The following ITGB2 variants were observed in gnomAD, a reference collection of about 807,000 sequenced individuals.
The protein encoded by ITGB2 is integrin beta-2.
A neutral mutation model predicts 86.8 loss-of-function variants in ITGB2; 56 were observed. The ratio of observed to expected loss-of-function variants is 0.65; its 90% CI spans 0.52 to 0.81. The LOEUF is 0.81. ITGB2 is among the 30% of genes least tolerant of loss of function. The pLI, the probability that ITGB2 is intolerant of heterozygous loss-of-function variation, is 0.00. For synonymous variants in ITGB2, 457 were observed against 450.4 expected (o/e 1.01, Z -0.19); for missense variants, 948 against 1,061.2 (o/e 0.89, Z 1.48).
Position 44,886,794 on chromosome 21 carries a change from C to T in ITGB2, c.2189G>A (p.Ser730Asn), listed in dbSNP as rs140767058. Residue 730 changes from serine (S) to asparagine (N), a missense_variant, in exon 15 of 16, where the codon AGC becomes AAC. Ser to Asn is a conservative substitution (Grantham distance 46). Transcript: ENST00000652462. ...LVIWKALIHL[S>N]DLREYRRFEK... ...AAAGCGCCTGTACTCCCGGAGGTCG[C>T]TCAGGTGGATCAGAGCCTTCCAGAT... The T allele has an allele frequency of 2.0e-4, 322 of 1,614,028 alleles. 1 individual carries two copies. In the African/African-American group the frequency reaches 3.0e-3, roughly 15 times the overall value.
In ITGB2 at chr21:44,885,988, T is replaced by G. The variant is rs1424612245; in HGVS notation, c.*380A>C. 3 of 304,896 alleles carry G rather than the reference T, an allele frequency of 9.8e-6. No individual in the cohort carries two copies. The highest frequency in any genetic ancestry group is 9.3e-5 in the Admixed American group (2 of 21,616). 18.9% of individuals were successfully genotyped at this position (304,896 alleles called of 1,614,324 possible). ...CAGCCTGTATTGAAGTTTTATTTTT[T>G]TTCTATACACGTGATTGATTAACAA... On this transcript the variant is annotated 3_prime_UTR_variant, in exon 16 of 16. Transcript: ENST00000652462.
Position 44,901,575 on chromosome 21 carries a change from C to A in ITGB2, c.658G>T (p.Glu220Ter). 1 of 1,614,282 alleles carries A rather than the reference C, an allele frequency of 6.2e-7. No individual in the cohort carries two copies. Among genetic ancestry groups the A allele is most frequent in the Non-Finnish European group, 8.5e-7 (1 of 1,180,050 alleles). Residue 220 changes from glutamate to a stop codon, truncating the protein, a stop_gained, in exon 6 of 16, where the codon GAG (glutamate) becomes TAG (stop). Coordinates refer to ENST00000652462, the MANE Select transcript of ITGB2 (RefSeq NM_000211.5). LOFTEE classifies it high-confidence loss of function. ...CCGGAAATCAGCTGCTTCCCGACCT[C>A]GGTCTGAAACTGGTTGGAGTTGTTG... ...LTNNSNQFQT[E>*]VGKQLISGNL...
intron 5 of ITGB2, 108 bp from the exon 6 acceptor site, chr21:44,901,841 GGTGGA>G: frequency 7.9e-7 from 1 of 1,266,964 alleles, no homozygotes; most frequent in Non-Finnish European, 1.1e-6. Context: ...CTAGCAGGGA[GGTGGA>G]GAAAGCAAGA....
chr21:44,889,176 G>T, intron 13 of ITGB2, 100 bp downstream of exon 13: 2 of 1,180,008 alleles, frequency 1.7e-6, no homozygotes, highest in Non-Finnish European at 2.5e-6. Context: ...ACCCCGCGGT[G>T]CAGAGGTGCT....
chr21:44,893,544 TCTGC>T lies in ITGB2; in HGVS notation c.1084-4_1084-1del. ...TCCAGGAAGACCCTGGAGGAGAGTTTCTGCGGGCAGAGAGCGGTTACTCTTGGGG... is the reference window on the plus strand; with the variant it reads ...TCCAGGAAGACCCTGGAGGAGAGTTTGGGCAGAGAGCGGTTACTCTTGGGG... On this transcript the variant is annotated splice_acceptor_variant and splice_polypyrimidine_tract_variant and intron_variant, in intron 9 of 15. Transcript: ENST00000652462. LOFTEE classifies it high-confidence loss of function. The T allele has an allele frequency of 6.2e-7, 1 of 1,613,780 alleles. No individual in the cohort carries two copies.
rs996701933 is a variant in ITGB2, at chr21:44,905,074, C to T, written c.329-1539G>A. Among the ~76,000 whole-genome samples, 5 of 152,336 alleles carry T rather than the reference C, an allele frequency of 3.3e-5. No homozygotes were observed. In the South Asian group the frequency reaches 6.2e-4, roughly 19 times the overall value. On this transcript the variant is annotated intron_variant, in intron 4 of 15. Coordinates refer to ENST00000652462, the MANE Select transcript of ITGB2 (RefSeq NM_000211.5). ...GGAGGCAGCCAAGACCATGTCCCCACGAGCAATGTGGCCATGCTGCAGTCA... is the reference window on the plus strand; with the variant it reads ...GGAGGCAGCCAAGACCATGTCCCCATGAGCAATGTGGCCATGCTGCAGTCA...
chr21:44,923,668 C>T (rs568781655), upstream of ITGB2, among the ~76,000 whole-genome samples: 12 of 152,202 alleles, frequency 7.9e-5, no homozygotes, highest in African/African-American at 1.4e-4. Context: ...ATAAAGTTCC[C>T]GTTTTGCAAG....
chr21:44,899,194 C>A, intron 7 of ITGB2, 32 bp from the exon 8 acceptor site: 1 of 1,540,288 alleles, frequency 6.5e-7, no homozygotes, highest in African/African-American at 1.4e-5. Flanking sequence ...CAGTTGGCCC[C>A]GAGTCCAGGA....
chr21:44,909,160 C>T (rs1176794153), intron 3 of ITGB2, among the ~76,000 whole-genome samples: 2 of 152,228 alleles, frequency 1.3e-5, no homozygotes, highest in Non-Finnish European at 2.9e-5. Context: ...AGAACCTCAC[C>T]AGCCCACAGT....
At chr21:44,927,668 G>A (rs1190499859) in intron 1 of ITGB2, 1 of 152,464 alleles carries the variant, frequency 6.6e-6, no homozygotes, top group African/African-American at 2.4e-5. Flanking sequence ...TTGAAGGCGG[G>A]TGAGACCTTT....
At chr21:44,915,510 C>A (rs73376524) in intron 1 of ITGB2, among the ~76,000 whole-genome samples, 3 of 152,136 alleles carry the variant, frequency 2.0e-5, no homozygotes, top group Admixed American at 6.5e-5. Context: ...AAGTGATGGA[C>A]GATGCCGCCA....
At chr21:44,891,638 T>C (rs1337538566) in intron 11 of ITGB2, among the ~76,000 whole-genome samples, 171 bp downstream of exon 11, 1 of 152,126 alleles carries the variant, frequency 6.6e-6, no homozygotes, top group East Asian at 1.9e-4. Context: ...GCCGAGGGGT[T>C]CTGGGTTCCA....
chr21:44,900,562 T>C lies in ITGB2; in HGVS notation c.742-87A>G. 1.9e-6 allele frequency: 3 copies of C among 1,546,836 alleles called. 1 individual carries two copies. The South Asian group carries it at 3.4e-5, about 17-fold the overall frequency. ...AGCAGAGGAGACGATGCAGAGCTGG[T>C]GGGGTGGCCCGGAGGCTGGTGTGGG... On this transcript the variant is annotated intron_variant, in intron 6 of 15. Coordinates refer to ENST00000652462, the MANE Select transcript of ITGB2 (RefSeq NM_000211.5).
Position 44,910,353 on chromosome 21 carries a change from C to T in ITGB2, c.78G>A (p.Thr26=), listed in dbSNP as rs753813421. ...SLGCVLSQEC[T]KFKVSSCREC... ...CCCGGCAGCTGCTGACCTTGAACTTCGTGCACTCCTGAGAGAGGACTGAGG... is the reference window on the plus strand; with the variant it reads ...CCCGGCAGCTGCTGACCTTGAACTTTGTGCACTCCTGAGAGAGGACTGAGG... Residue 26 remains threonine (T), a synonymous_variant, in exon 3 of 16, where the codon ACG becomes ACA. Transcript: ENST00000652462. The T allele has an allele frequency of 1.1e-5, 17 of 1,614,046 alleles. No individual in the cohort carries two copies. Among genetic ancestry groups the T allele is most frequent in the East Asian group, 8.9e-5 (4 of 44,896 alleles).
chr21:44,893,567 C>G, intron 9 of ITGB2, 23 bp from the exon 10 acceptor site: 2 of 1,612,996 alleles, frequency 1.2e-6, no homozygotes, highest in Non-Finnish European at 1.7e-6. Context: ...AGCGGTTACT[C>G]TTGGGGGCGA....
intron 6 of ITGB2, among the ~76,000 whole-genome samples, chr21:44,900,711 A>G (rs1351538352): frequency 6.6e-6 from 1 of 152,188 alleles, no homozygotes; most frequent in Non-Finnish European, 1.5e-5. Context: ...GCACGTGTGG[A>G]AAGGCAAGGA....
chr21:44,889,095 A>G (rs1015420267), intron 13 of ITGB2, 181 bp downstream of exon 13: 1 of 704,758 alleles, frequency 1.4e-6, no homozygotes, highest in East Asian at 2.7e-5. Flanking sequence ...GCAGGTGCGC[A>G]CAGGAGGGAG....
Position 44,899,058 on chromosome 21 carries a change from A to C in ITGB2, c.993+9T>G. 2.5e-6 allele frequency: 4 copies of C among 1,608,108 alleles called. No individual in the cohort carries two copies. Among genetic ancestry groups the C allele is most frequent in the Non-Finnish European group, 3.4e-6 (4 of 1,174,576 alleles). On this transcript the variant is annotated intron_variant, in intron 8 of 15. Transcript: ENST00000652462. ...ACCCAATGGATGCTCGGGACCCAAC[A>C]GCACTCACCTCGTAGGTCTTCACCA...
rs2083694639 is a variant in ITGB2, at chr21:44,886,162, C to G, written c.*206G>C. On this transcript the variant is annotated 3_prime_UTR_variant, in exon 16 of 16. Transcript: ENST00000652462. The stretch of plus-strand genomic sequence containing the variant: ...AGCCCTCCCTCCTCAAGTCTCCATG[C>G]AAAGACTGTGCCAGTCAGAGTGGAG... 9 of 617,692 alleles carry G rather than the reference C, an allele frequency of 1.5e-5. No individual in the cohort carries two copies. The highest frequency in any genetic ancestry group is 2.6e-5 in the Non-Finnish European group (9 of 341,650). 38.3% of individuals were successfully genotyped at this position (617,692 alleles called of 1,614,324 possible). A position where few individuals can be genotyped will look rare whatever the true frequency, so the allele number is the denominator to read the frequency against.
Sources: gnomAD v4.1 joint callset for allele counts (sites outside exome capture counted in the v4.1 genomes callset) on GRCh38, gnomAD v4.1.1 for gene constraint, MANE v1.5 for transcripts, NCBI Gene and HGNC (gene_info 2026-07-23, HGNC 2026-07-21) for gene names.